The following COL19A1 variants were observed in gnomAD, a reference collection of about 807,000 sequenced individuals.
The protein encoded by COL19A1 is collagen type XIX alpha 1 chain.
In COL19A1, 159 loss-of-function variants were observed where a neutral mutation model predicts 190.2. The observed-to-expected ratio is 0.84, with a 90% CI of 0.73 to 0.95. The LOEUF is 0.95. Ranked by LOEUF, COL19A1 falls within the 40% of genes least tolerant of loss-of-function variation. The probability of loss-of-function intolerance (pLI) is 0.00; values close to 1 mark genes in which losing one functional copy is unlikely to be tolerated. For synonymous variants in COL19A1, 509 were observed against 458.9 expected (o/e 1.11, Z -1.39); for missense variants, 1,418 against 1,431.9 (o/e 0.99, Z 0.16).
At chr6:70,102,039 A>C in intron 15 of COL19A1, 130 bp from the exon 16 acceptor site, 1 of 791,708 alleles carries the variant, frequency 1.3e-6, no homozygotes, top group Non-Finnish European at 2.1e-6. Flanking sequence ...TTTAAAAGTC[A>C]TGTGGAATTG....
rs370136850 is a variant in COL19A1 at position 69,997,014 on chromosome 6, C to CATATAT, written c.1027-26605_1027-26600dup. Among the ~76,000 whole-genome samples the CATATAT allele has an allele frequency of 3.3e-3, 468 of 142,722 alleles. 4 individuals are homozygous for CATATAT. Among genetic ancestry groups the CATATAT allele is most frequent in the East Asian group, 0.013 (66 of 4,952 alleles). The allele number at this position is 142,722 out of a possible 152,430, so 93.6% of individuals were successfully genotyped here. ...GTATGTGTGTGTGTGTTTATATATA[C>CATATAT]ATATATATATATAGAGAGAGAGAGA... On this transcript the variant is annotated intron_variant, in intron 11 of 50. Transcript: ENST00000620364.
At position 70,206,905 on chromosome 6, in the gene COL19A1, C is replaced by T; in HGVS notation, c.3228C>T (p.Tyr1076=). 1 of 1,613,506 alleles carries T rather than the reference C, an allele frequency of 6.2e-7. No individual in the cohort carries two copies. Among genetic ancestry groups the T allele is most frequent in the Non-Finnish European group, 8.5e-7 (1 of 1,179,746 alleles). ...GPPGDPGPQG[Y]RGQKGERGEP... ...TTTTATATATTTCTCACTTAGGCTA[C>T]AGAGGACAGAAGGGAGAAAGAGGTG... Residue 1076 remains tyrosine, a synonymous_variant, in exon 50 of 51, where the codon TAC becomes TAT. Coordinates refer to ENST00000620364, the MANE Select transcript of COL19A1 (RefSeq NM_001858.6).
At chr6:70,111,553 T>C (rs369494512) in intron 16 of COL19A1, among the ~76,000 whole-genome samples, 2 of 152,328 alleles carry the variant, frequency 1.3e-5, no homozygotes, top group Admixed American at 6.5e-5. Flanking sequence ...TTCAAATTCA[T>C]TTTAAGAAGC....
chr6:69,958,421 T>C (rs148496434), intron 9 of COL19A1, among the ~76,000 whole-genome samples: 1 of 152,294 alleles, frequency 6.6e-6, no homozygotes, highest in Non-Finnish European at 1.5e-5. Context: ...AGGAGCTCCA[T>C]TTCCATAGAC....
At chr6:70,092,416 A>AG (rs1782988109) in intron 15 of COL19A1, among the ~76,000 whole-genome samples, 1 of 152,190 alleles carries the variant, frequency 6.6e-6, no homozygotes, top group Non-Finnish European at 1.5e-5. Context: ...GGCAAGCTCT[A>AG]GGTCTTAATC....
chr6:70,200,886 A>T (rs912789061), intron 49 of COL19A1, among the ~76,000 whole-genome samples: 5 of 152,154 alleles, frequency 3.3e-5, no homozygotes, highest in African/African-American at 1.2e-4. Context: ...AACAGTTAAA[A>T]TCTCTCTAGT....
At position 69,936,748 on chromosome 6, in the gene COL19A1, T is replaced by C. The variant is rs751020377; in HGVS notation, c.748-37T>C. 13 of 1,608,660 alleles carry C rather than the reference T, an allele frequency of 8.1e-6. No homozygotes were observed. The African/African-American group carries it at 1.7e-4, about 22-fold the overall frequency. ...GTTTGGAACATGAGAATGTTTGGAA[T>C]TGACCCCATTTCCTAAAGCCTCTTT... is the stretch of plus-strand genomic sequence containing the variant. On this transcript the variant is annotated intron_variant, in intron 7 of 50. Coordinates refer to ENST00000620364, the MANE Select transcript of COL19A1 (RefSeq NM_001858.6).
intron 34 of COL19A1, among the ~76,000 whole-genome samples, chr6:70,160,340 AGC>A (rs1356127964): frequency 1.3e-5 from 2 of 152,104 alleles, no homozygotes; most frequent in Non-Finnish European, 2.9e-5. Flanking sequence ...TCATGAGAAC[AGC>A]ATGGGGAAAA....
intron 11 of COL19A1, among the ~76,000 whole-genome samples, chr6:70,007,237 A>G (rs1447954472): frequency 6.6e-6 from 1 of 152,150 alleles, no homozygotes; most frequent in Non-Finnish European, 1.5e-5. Flanking sequence ...CCATATCAAT[A>G]ATTACATTAA....
At chr6:69,944,437 G>A (rs1224358819) in intron 9 of COL19A1, among the ~76,000 whole-genome samples, 2 of 152,094 alleles carry the variant, frequency 1.3e-5, no homozygotes, top group East Asian at 3.8e-4. Context: ...GAAACTGTAA[G>A]TTCTCCTTCC....
At chr6:70,093,951 A>G (rs892309202) in intron 15 of COL19A1, among the ~76,000 whole-genome samples, 1 of 152,138 alleles carries the variant, frequency 6.6e-6, no homozygotes, top group Non-Finnish European at 1.5e-5. Flanking sequence ...AGCCTCAATA[A>G]TGTTCATCTT....
At chr6:70,001,075 T>G (rs1300363863) in intron 11 of COL19A1, among the ~76,000 whole-genome samples, 4 of 152,180 alleles carry the variant, frequency 2.6e-5, no homozygotes, top group African/African-American at 9.6e-5. Context: ...CCAATTTCAG[T>G]TTTCTGGGTA....
chr6:70,071,786 T>A (rs1781572762), intron 15 of COL19A1, among the ~76,000 whole-genome samples: 1 of 151,944 alleles, frequency 6.6e-6, no homozygotes, highest in African/African-American at 2.4e-5. Flanking sequence ...GGGGGTTTAA[T>A]CCATCATGAG....
chr6:69,893,985 A>G (rs1769544631), intron 2 of COL19A1, among the ~76,000 whole-genome samples: 1 of 147,734 alleles, frequency 6.8e-6, no homozygotes, highest in African/African-American at 2.5e-5. Context: ...AAGTTGTCCC[A>G]CCTTTCTGAA....
At chr6:69,897,574 A>G (rs1353981369) in intron 2 of COL19A1, among the ~76,000 whole-genome samples, 6 of 152,090 alleles carry the variant, frequency 3.9e-5, no homozygotes. Context: ...TAAGTCTTGC[A>G]TTCTAAGCAT....
At chr6:69,907,848 T>C (rs1770664492) in intron 4 of COL19A1, among the ~76,000 whole-genome samples, 2 of 152,318 alleles carry the variant, frequency 1.3e-5, no homozygotes, top group Middle Eastern at 3.4e-3. Context: ...AGTGTCACCA[T>C]GGGCCAGGCA....
intron 14 of COL19A1, among the ~76,000 whole-genome samples, chr6:70,059,984 T>C (rs951926354): frequency 1.3e-5 from 2 of 152,202 alleles, no homozygotes; most frequent in African/African-American, 4.8e-5. Context: ...ATTAAGACTA[T>C]GATTCTCTAA....
chr6:70,121,801 A>C, intron 16 of COL19A1, 79 bp from the exon 17 acceptor site: 1 of 888,806 alleles, frequency 1.1e-6, no homozygotes, highest in Non-Finnish European at 1.8e-6. Context: ...TGATTTCAAG[A>C]GTTCTTAGAT....
chr6:69,968,039 A>G (rs1051241587), intron 11 of COL19A1, among the ~76,000 whole-genome samples: 1 of 152,204 alleles, frequency 6.6e-6, no homozygotes, highest in Non-Finnish European at 1.5e-5. Flanking sequence ...AACATCAGCT[A>G]ATTTTCAGAT....
Sources: gnomAD v4.1 joint callset for allele counts (sites outside exome capture counted in the v4.1 genomes callset) on GRCh38, gnomAD v4.1.1 for gene constraint, MANE v1.5 for transcripts, NCBI Gene and HGNC (gene_info 2026-07-23, HGNC 2026-07-21) for gene names.